The following SLC44A5 variants were observed in gnomAD, a reference collection of about 807,000 sequenced individuals.
SLC44A5 encodes choline transporter-like protein 5.
Under a neutral mutation model 101.8 loss-of-function variants are expected in SLC44A5, and 57 were observed. The observed-to-expected ratio is 0.56, with a 90% confidence interval of 0.45 to 0.70. The LOEUF is 0.70. SLC44A5 is among the 30% of genes least tolerant of loss of function. The probability of loss-of-function intolerance (pLI) is 0.00; values close to 1 mark genes in which losing one functional copy is unlikely to be tolerated. For synonymous variants in SLC44A5, 281 were observed against 290.9 expected, an observed-to-expected ratio of 0.97 and a Z score of 0.35; for missense variants, 737 against 853.1, an observed-to-expected ratio of 0.86 and a Z score of 1.70.
chr1:75,224,590 T>A (rs571378942), intron 13 of SLC44A5, among the ~76,000 whole-genome samples: 1 of 152,216 alleles, frequency 6.6e-6, no homozygotes, highest in Non-Finnish European at 1.5e-5. Context: ...AAATTTTAAA[T>A]TTTTTGTTTC....
At chr1:75,252,627 G>A (rs947404053) in intron 6 of SLC44A5, among the ~76,000 whole-genome samples, 15 of 152,192 alleles carry the variant, frequency 9.9e-5, no homozygotes, top group African/African-American at 2.7e-4. Context: ...GACTGAAGAT[G>A]CAGTAAGAGG....
intron 2 of SLC44A5, among the ~76,000 whole-genome samples, chr1:75,477,251 T>G (rs1667478222): frequency 6.6e-6 from 1 of 152,192 alleles, no homozygotes; most frequent in Non-Finnish European, 1.5e-5. Context: ...AAAACCCATC[T>G]GTACATTACC....
chr1:75,655,754 C>G, the SLC44A5 span, among the ~76,000 whole-genome samples: 1 of 152,150 alleles, frequency 6.6e-6, no homozygotes, highest in African/African-American at 2.4e-5. Flanking sequence ...AATCCCAAAG[C>G]CCCTGATTCT....
intron 6 of SLC44A5, among the ~76,000 whole-genome samples, chr1:75,274,179 GTT>G (rs376382281): frequency 1.4e-5 from 2 of 147,394 alleles, no homozygotes; most frequent in East Asian, 2.0e-4. Flanking sequence ...TTGCTTTGGG[GTT>G]TTTTTTTTAA....
At chr1:75,594,661 A>G (rs1674536681) in intron 1 of SLC44A5, among the ~76,000 whole-genome samples, 1 of 152,002 alleles carries the variant, frequency 6.6e-6, no homozygotes, top group Admixed American at 6.6e-5. Context: ...AAGAAAATTA[A>G]TATTTTCAAA....
intron 2 of SLC44A5, among the ~76,000 whole-genome samples, chr1:75,397,585 C>T (rs1239316376): frequency 1.3e-5 from 2 of 152,130 alleles, no homozygotes; most frequent in Non-Finnish European, 2.9e-5. Context: ...ACTTACTATG[C>T]ACCAGGTGCC....
chr1:75,217,964 C>T lies in SLC44A5; in HGVS notation c.1530-4G>A, dbSNP rs750496654. 1.9e-6 allele frequency: 3 copies of T among 1,557,166 alleles called. No homozygotes were observed. Among genetic ancestry groups the T allele is most frequent in the Admixed American group, 1.7e-5 (1 of 58,662 alleles). On this transcript the variant is annotated splice_polypyrimidine_tract_variant and splice_region_variant and intron_variant, in intron 17 of 23. Transcript: ENST00000370859. ...TGCTAGGGATCCTGTGTGATATCTG[C>T]ACAAAAATAAAATGAGAATAAGTTA...
chr1:75,490,232 T>C, intron 2 of SLC44A5, among the ~76,000 whole-genome samples: 1 of 152,168 alleles, frequency 6.6e-6, no homozygotes, highest in East Asian at 1.9e-4. Flanking sequence ...TATCTAGCGA[T>C]ATGAAGAATC....
intron 7 of SLC44A5, among the ~76,000 whole-genome samples, chr1:75,248,739 T>C (rs648869): frequency 0.83 from 126,190 of 152,052 alleles, 52,641 homozygotes; most frequent in East Asian, 0.95. Context: ...ATTTAAATGG[T>C]TGTTGTATGT....
intron 1 of SLC44A5, among the ~76,000 whole-genome samples, chr1:75,590,725 A>G (rs540083112): frequency 4.7e-4 from 72 of 152,266 alleles, no homozygotes; most frequent in Non-Finnish European, 8.4e-4. Context: ...TGCCTTTGGA[A>G]AAGGGAAAGA....
the SLC44A5 span, among the ~76,000 whole-genome samples, chr1:75,695,866 A>C: frequency 6.7e-6 from 1 of 150,358 alleles, no homozygotes; most frequent in South Asian, 2.1e-4. Context: ...TATAAACCTG[A>C]TACTGAAAGG....
At chr1:75,339,924 A>C (rs1345145152) in intron 3 of SLC44A5, among the ~76,000 whole-genome samples, 2 of 152,160 alleles carry the variant, frequency 1.3e-5, no homozygotes, top group Non-Finnish European at 2.9e-5. Context: ...CCAGGGTAGC[A>C]AAACTTGAAG....
the SLC44A5 span, among the ~76,000 whole-genome samples, chr1:75,678,043 C>A: frequency 7.9e-5 from 12 of 152,326 alleles, no homozygotes; most frequent in South Asian, 2.1e-3. Flanking sequence ...CCAAATACTG[C>A]GCTTTTCCAA....
intron 1 of SLC44A5, among the ~76,000 whole-genome samples, chr1:75,599,868 A>T (rs1415871617): frequency 1.3e-5 from 2 of 152,138 alleles, no homozygotes; most frequent in East Asian, 3.9e-4. Context: ...CATAGGTCAG[A>T]TTCTAGACTT....
chr1:75,510,745 A>T, intron 2 of SLC44A5, among the ~76,000 whole-genome samples: 1 of 152,216 alleles, frequency 6.6e-6, no homozygotes, highest in East Asian at 1.9e-4. Context: ...TAAATTCTTA[A>T]TGTGCCTTGA....
At chr1:75,240,627 T>C (rs1036411565) in intron 9 of SLC44A5, among the ~76,000 whole-genome samples, 1 of 152,098 alleles carries the variant, frequency 6.6e-6, no homozygotes, top group South Asian at 2.1e-4. Context: ...GTGCTGTTGC[T>C]GTGGGACCTA....
chr1:75,576,075 C>A (rs1460084163), intron 1 of SLC44A5, among the ~76,000 whole-genome samples: 1 of 147,856 alleles, frequency 6.8e-6, no homozygotes, highest in Non-Finnish European at 1.5e-5. Flanking sequence ...CCTAGCTAGA[C>A]AGATGTGAAA....
At chr1:75,718,747 G>C in the SLC44A5 span, among the ~76,000 whole-genome samples, 1 of 152,180 alleles carries the variant, frequency 6.6e-6, no homozygotes, top group Admixed American at 6.5e-5. Context: ...TGCTTGGCTT[G>C]TGGATGGCAG....
At chr1:75,499,102 G>A (rs978044061) in intron 2 of SLC44A5, among the ~76,000 whole-genome samples, 4 of 152,160 alleles carry the variant, frequency 2.6e-5, no homozygotes, top group African/African-American at 9.7e-5. Flanking sequence ...GGAGCAATAA[G>A]CTATACCATA....
Sources: gnomAD v4.1 joint callset for allele counts (sites outside exome capture counted in the v4.1 genomes callset) on GRCh38, gnomAD v4.1.1 for gene constraint, MANE v1.5 for transcripts, NCBI Gene and HGNC (gene_info 2026-07-23, HGNC 2026-07-21) for gene names.